Variants in COL5A3 observed in about 807,000 individuals in gnomAD.
The protein encoded by COL5A3 is collagen type V alpha 3 chain, also known as collagen alpha-3(V) chain.
COL5A3 carries 172 observed loss-of-function variants against 250.0 expected under a neutral mutation model. The observed-to-expected ratio is 0.69, with a 90% CI of 0.61 to 0.78. The LOEUF is 0.78. COL5A3 is among the 30% of genes least tolerant of loss of function. The pLI, the probability that COL5A3 is intolerant of heterozygous loss-of-function variation, is 0.00. For synonymous variants in COL5A3, 937 were observed against 900.4 expected, an observed-to-expected ratio of 1.04 and a Z score of -0.73; for missense variants, 2,340 against 2,334.4, an observed-to-expected ratio of 1.00 and a Z score of -0.05.
chr19:9,985,415 C>G (rs2087085233), intron 31 of COL5A3, among the ~76,000 whole-genome samples: 3 of 150,568 alleles, frequency 2.0e-5, no homozygotes. Context: ...TATGCACCAC[C>G]ACACCCAGCT....
At chr19:10,008,372 T>G (rs985959507) in intron 1 of COL5A3, among the ~76,000 whole-genome samples, 1 of 151,724 alleles carries the variant, frequency 6.6e-6, no homozygotes, top group Non-Finnish European at 1.5e-5. Context: ...TGACTGCCCT[T>G]TCTTTTCACA....
intron 41 of COL5A3, among the ~76,000 whole-genome samples, chr19:9,977,947 CATATATATATATATATATATAT>C (rs372091609): frequency 1.6e-4 from 17 of 106,160 alleles, no homozygotes; most frequent in African/African-American, 3.5e-4. Context: ...GCAGCCTATA[CATATATATATATATATATATAT>C]ATATATATAT....
chr19:9,993,236 A>G (rs988713669), intron 19 of COL5A3, 144 bp downstream of exon 19: 6 of 1,116,038 alleles, frequency 5.4e-6, no homozygotes, highest in Non-Finnish European at 8.1e-6. Context: ...CCAATCCTAG[A>G]CCTGCAAGTC....
chr19:9,992,386 G>T (rs2087207060), intron 21 of COL5A3, among the ~76,000 whole-genome samples: 1 of 151,830 alleles, frequency 6.6e-6, no homozygotes, highest in African/African-American at 2.4e-5. Context: ...TCCAGCCTGG[G>T]CAACAAGAGC....
At chr19:9,978,827 C>A in intron 40 of COL5A3, 64 bp downstream of exon 40, 4 of 1,129,782 alleles carry the variant, frequency 3.5e-6, no homozygotes, top group Non-Finnish European at 4.8e-6. Flanking sequence ...CCCCATCCCT[C>A]CCCTGACCCC....
At chr19:9,988,855 A>AAAAGAGAGAGAGAGAGAAAG (rs1555738985) in intron 27 of COL5A3, among the ~76,000 whole-genome samples, 7 of 104,764 alleles carry the variant, frequency 6.7e-5, no homozygotes, top group East Asian at 2.9e-4. Flanking sequence ...AAAAAAAAAA[A>AAAAGAGAGAGAGAGAGAAAG]AAAGAAAGTA....
intron 24 of COL5A3, among the ~76,000 whole-genome samples, chr19:9,989,790 A>G (rs951368821): frequency 2.0e-5 from 3 of 152,182 alleles, no homozygotes; most frequent in African/African-American, 4.8e-5. Context: ...CAGGGTAACT[A>G]TAGTCAATTA....
In COL5A3 at chr19:9,997,149, CAG is replaced by C. The variant is rs2087285313; in HGVS notation, c.1263+220_1263+221del. 8.4e-6 allele frequency: 5 copies of C among 597,716 alleles called. No homozygotes were observed. In the East Asian group the frequency reaches 1.4e-4, roughly 17 times the overall value. The allele number at this position is 597,716 out of a possible 1,614,324, so 37.0% of individuals were successfully genotyped here. A position where few individuals can be genotyped will look rare whatever the true frequency, so the allele number is the denominator to read the frequency against. ...GACAGAGATAAAAGACACTCAGAAA[CAG>C]AGACAGGCAAAAGAAGAAAAGCAAA... On this transcript the variant is annotated intron_variant, in intron 11 of 66. Coordinates refer to ENST00000264828, the MANE Select transcript of COL5A3 (RefSeq NM_015719.4).
intron 64 of COL5A3, among the ~76,000 whole-genome samples, chr19:9,963,880 A>T (rs1295159317): frequency 6.6e-6 from 1 of 152,098 alleles, no homozygotes; most frequent in Non-Finnish European, 1.5e-5. Context: ...TAAAAATAAC[A>T]ACATGGGGCC....
chr19:10,003,565 C>G lies in COL5A3; in HGVS notation c.849G>C (p.Gln283His), dbSNP rs1453674866. The G allele has an allele frequency of 6.2e-7, 1 of 1,613,996 alleles. No individual in the cohort carries two copies. The highest frequency in any genetic ancestry group is 1.3e-5 in the African/African-American group (1 of 74,930). Residue 283 changes from glutamine (Q) to histidine (H), a missense_variant and splice_region_variant, in exon 6 of 67, where the codon CAG becomes CAC. This residue lies in a region of COL5A3 where 1,152 missense variants were observed against 1,146.3 expected (regional missense o/e 1.00). Coordinates refer to ENST00000264828, the MANE Select transcript of COL5A3 (RefSeq NM_015719.4). ...SSPPPDSAEN[Q>H]TSTDIPKTET... is the part of the protein sequence containing the mutation. ...AAGTGAGAGGTCTCAGGGCCCTTAC[C>G]TGGTTCTCTGCGGAGTCAGGAGGTG...
chr19:9,963,363 C>T (rs951091790), intron 64 of COL5A3, among the ~76,000 whole-genome samples: 2 of 150,964 alleles, frequency 1.3e-5, no homozygotes, highest in Non-Finnish European at 1.5e-5. Flanking sequence ...GCTAGAACTA[C>T]AGGCATGTAC....
Position 9,968,815 on chromosome 19 carries a change from T to C in COL5A3, c.4153-87A>G. ...GGTTAGGGGATGGTCAAATGGGAAATTATGCAGATTTCAAATGGGAATTAC... is the reference window on the plus strand; with the variant it reads ...GGTTAGGGGATGGTCAAATGGGAAACTATGCAGATTTCAAATGGGAATTAC... On this transcript the variant is annotated intron_variant, in intron 57 of 66. Transcript: ENST00000264828. This position sits in a 1 kb window ranked among gnomAD's most constrained non-coding sequence, Gnocchi z 4.1. The C allele has an allele frequency of 8.7e-7, 1 of 1,154,848 alleles. No homozygotes were observed. Among genetic ancestry groups the C allele is most frequent in the African/African-American group, 1.5e-5 (1 of 64,772 alleles). The allele number at this position is 1,154,848 out of a possible 1,614,324, so 71.5% of individuals were successfully genotyped here. A position where few individuals can be genotyped will look rare whatever the true frequency, so the allele number is the denominator to read the frequency against.
intron 65 of COL5A3, among the ~76,000 whole-genome samples, chr19:9,961,521 TG>T (rs1199168199): frequency 1.3e-5 from 2 of 149,902 alleles, no homozygotes; most frequent in Non-Finnish European, 3.0e-5. Context: ...CACACCACCA[TG>T]CCTGGCTGGG....
chr19:10,000,281 A>G (rs897513791), intron 8 of COL5A3, among the ~76,000 whole-genome samples: 3 of 151,852 alleles, frequency 2.0e-5, no homozygotes, highest in Non-Finnish European at 4.4e-5. Context: ...GTTACATCGA[A>G]TGCGTATCCA....
chr19:9,983,689 G>C (rs2087053124), intron 31 of COL5A3, among the ~76,000 whole-genome samples: 1 of 148,142 alleles, frequency 6.8e-6, no homozygotes, highest in African/African-American at 2.5e-5. Context: ...AAGAAAGAAA[G>C]AAGGAAAGAA....
chr19:10,009,596 C>T lies in COL5A3; in HGVS notation c.88+702G>A, dbSNP rs1487643292. Among the ~76,000 whole-genome samples, 5 of 152,000 alleles carry T rather than the reference C, an allele frequency of 3.3e-5. No homozygotes were observed. The highest frequency in any genetic ancestry group is 7.4e-5 in the Non-Finnish European group (5 of 68,002). ...CCTGTCCATGGTGCTGATCGCGGCTCTGGGGACCGCGGGGTGGGGGAGGGG... is the reference window on the plus strand; with the variant it reads ...CCTGTCCATGGTGCTGATCGCGGCTTTGGGGACCGCGGGGTGGGGGAGGGG... On this transcript the variant is annotated intron_variant, in intron 1 of 66. Coordinates refer to ENST00000264828, the MANE Select transcript of COL5A3 (RefSeq NM_015719.4). This position sits in a 1 kb window ranked among gnomAD's most constrained non-coding sequence, Gnocchi z 4.4.
At position 9,986,391 on chromosome 19, in the gene COL5A3, T is replaced by G; in HGVS notation, c.2276A>C (p.Glu759Ala). The change falls in exon 30 of 67, where the codon GAG becomes GCG. Residue 759 changes from glutamate (E) to alanine (A), a missense_variant. This residue lies in a region of COL5A3 where 1,152 missense variants were observed against 1,146.3 expected (regional missense o/e 1.00). Transcript: ENST00000264828. Reference sequence around the variant, plus strand: ...CCCCTTCGGCCCCTCAGGACCATCCTCTCCCCGGGGACCTGGAGCTCCGGG... The same window carrying G: ...CCCCTTCGGCCCCTCAGGACCATCCGCTCCCCGGGGACCTGGAGCTCCGGG... ...GKPGAPGPRG[E>A]DGPEGPKGQA... 2 of 1,611,462 alleles carry G rather than the reference T, an allele frequency of 1.2e-6. No homozygotes were observed. Among genetic ancestry groups the G allele is most frequent in the Non-Finnish European group, 1.7e-6 (2 of 1,179,890 alleles).
At chr19:10,007,725 C>A (rs537740509) in intron 1 of COL5A3, among the ~76,000 whole-genome samples, 1 of 152,290 alleles carries the variant, frequency 6.6e-6, no homozygotes, top group East Asian at 1.9e-4. Flanking sequence ...TGGGGAGGCA[C>A]GGGCTTGGAT....
In COL5A3 at chr19:9,991,633, G is replaced by C. The variant is rs1481280109; in HGVS notation, c.1969C>G (p.Leu657Val). Residue 657 changes from leucine (L) to valine (V), a missense_variant, in exon 24 of 67, where the codon CTC (leucine) becomes GTC (valine). Coordinates refer to ENST00000264828, the MANE Select transcript of COL5A3 (RefSeq NM_015719.4). Reference protein sequence around the residue: ...GSQGLPGPQGLIGTPGEKGPP... With the variant: ...GSQGLPGPQGVIGTPGEKGPP... Reference sequence around the variant, plus strand: ...ACCTTCTCCCCAGGAGTGCCAATGAGTCCCTGGGGACCGGGGAGTCCCTGG... The same window carrying C: ...ACCTTCTCCCCAGGAGTGCCAATGACTCCCTGGGGACCGGGGAGTCCCTGG... The C allele has an allele frequency of 1.2e-6, 2 of 1,607,518 alleles. No individual in the cohort carries two copies. The highest frequency in any genetic ancestry group is 3.4e-5 in the Admixed American group (2 of 58,874).
Sources: gnomAD v4.1 joint callset for allele counts (sites outside exome capture counted in the v4.1 genomes callset) on GRCh38, gnomAD v4.1.1 for gene constraint, gnomAD v4.1.1 regional missense constraint, Gnocchi (gnomAD v3.1) non-coding constraint, MANE v1.5 for transcripts, NCBI Gene and HGNC (gene_info 2026-07-23, HGNC 2026-07-21) for gene names.